KCNH5: variants seen among roughly 807,000 people sequenced by gnomAD.
KCNH5 encodes the protein voltage-gated delayed rectifier potassium channel KCNH5.
A neutral mutation model predicts 96.1 loss-of-function variants in KCNH5; 46 were observed. The ratio of observed to expected loss-of-function variants is 0.48; its 90% CI spans 0.38 to 0.61. KCNH5 has a LOEUF of 0.61. Ranked by LOEUF, KCNH5 falls within the 20% of genes least tolerant of loss-of-function variation. The pLI is 0.00. For missense variants in KCNH5, 907 were observed against 1,225.8 expected, an observed-to-expected ratio of 0.74 and a Z score of 3.88; for synonymous variants, 439 against 449.8, an observed-to-expected ratio of 0.98 and a Z score of 0.30.
intron 7 of KCNH5, among the ~76,000 whole-genome samples, chr14:62,928,637 T>C (rs978712325): frequency 1.3e-5 from 2 of 152,064 alleles, no homozygotes; most frequent in African/African-American, 4.8e-5. Flanking sequence ...AGGTCACCAG[T>C]GACCCTAAGA....
intron 10 of KCNH5, among the ~76,000 whole-genome samples, chr14:62,744,575 T>C (rs1396538316): frequency 6.6e-6 from 1 of 152,222 alleles, no homozygotes; most frequent in Non-Finnish European, 1.5e-5. Flanking sequence ...GCACCTATTA[T>C]GATTTGGGAT....
chr14:62,852,264 CT>C (rs1389646833), intron 7 of KCNH5, among the ~76,000 whole-genome samples: 1 of 152,152 alleles, frequency 6.6e-6, no homozygotes, highest in African/African-American at 2.4e-5. Context: ...TATTGTGCTA[CT>C]GAACCTGGAT....
At chr14:62,792,557 C>T (rs1424150616) in intron 9 of KCNH5, among the ~76,000 whole-genome samples, 1 of 151,560 alleles carries the variant, frequency 6.6e-6, no homozygotes, top group Non-Finnish European at 1.5e-5. Context: ...AAAAGAAATC[C>T]ATGCAAAAGA....
At position 62,819,228 on chromosome 14, in the gene KCNH5, A is replaced by T. The variant is rs191331142; in HGVS notation, c.1570-16647T>A. Among the ~76,000 whole-genome samples the T allele has an allele frequency of 9.4e-3, 1,435 of 152,204 alleles. 9 individuals carry two copies. Among genetic ancestry groups the T allele is most frequent in the Non-Finnish European group, 0.014 (934 of 68,004 alleles). ...GTGATCCGCCCACCTCAGCCTCCCA[A>T]AGTGCTGGGATTACAGGCATGAGCC... On this transcript the variant is annotated intron_variant, in intron 8 of 10. Transcript: ENST00000322893.
chr14:62,950,955 T>C (rs1434145927), intron 6 of KCNH5, among the ~76,000 whole-genome samples: 1 of 152,224 alleles, frequency 6.6e-6, no homozygotes. Context: ...ACTTTCCCTC[T>C]ACTCTAAAAG....
In KCNH5 at chr14:62,853,458, T is replaced by TATATATATATATC. The variant is rs1555360131; in HGVS notation, c.1370-3607_1370-3606insGATATATATATAT. Among the ~76,000 whole-genome samples the TATATATATATATC allele has an allele frequency of 2.0e-4, 9 of 43,984 alleles. No homozygotes were observed. In the Admixed American group the frequency reaches 2.0e-3, roughly 10 times the overall value. The allele number at this position is 43,984 out of a possible 152,430, so 28.9% of individuals were successfully genotyped here. A position where few individuals can be genotyped will look rare whatever the true frequency, so the allele number is the denominator to read the frequency against. Reference sequence around the variant, plus strand: ...ATTTCCCAAACAAAAAGAATAATCATATATATATATATATATATATATCAT... The same window carrying TATATATATATATC: ...ATTTCCCAAACAAAAAGAATAATCATATATATATATATCATATATATATATATATATATATCAT... On this transcript the variant is annotated intron_variant, in intron 7 of 10. Coordinates refer to ENST00000322893, the MANE Select transcript of KCNH5 (RefSeq NM_139318.5).
At chr14:62,892,743 G>A (rs1447909416) in intron 7 of KCNH5, among the ~76,000 whole-genome samples, 6 of 152,114 alleles carry the variant, frequency 3.9e-5, no homozygotes, top group East Asian at 1.9e-4. Flanking sequence ...AAAATTATGC[G>A]AAATCTACTC....
intron 8 of KCNH5, among the ~76,000 whole-genome samples, chr14:62,810,432 A>C (rs1886849959): frequency 6.6e-6 from 1 of 152,054 alleles, no homozygotes; most frequent in African/African-American, 2.4e-5. Flanking sequence ...GCTGGGTAAA[A>C]TGAGGCTGAG....
At chr14:62,815,522 C>A (rs1886960435) in intron 8 of KCNH5, among the ~76,000 whole-genome samples, 1 of 151,940 alleles carries the variant, frequency 6.6e-6, no homozygotes, top group African/African-American at 2.4e-5. Flanking sequence ...AAATGGATAA[C>A]TGTATGAAGT....
chr14:62,804,472 A>T (rs1455418514), intron 8 of KCNH5, among the ~76,000 whole-genome samples: 1 of 152,160 alleles, frequency 6.6e-6, no homozygotes, highest in African/African-American at 2.4e-5. Context: ...AGGATAAGAC[A>T]CTGTGTTTGC....
chr14:62,908,698 T>C (rs1399328102), intron 7 of KCNH5, among the ~76,000 whole-genome samples: 2 of 151,316 alleles, frequency 1.3e-5, no homozygotes, highest in African/African-American at 4.9e-5. Context: ...GTGACTTCGC[T>C]GTGAAAGAAT....
chr14:62,798,724 T>C (rs1435114575), intron 9 of KCNH5, among the ~76,000 whole-genome samples: 2 of 152,218 alleles, frequency 1.3e-5, no homozygotes, highest in Non-Finnish European at 2.9e-5. Context: ...AAATTTTTTA[T>C]CTTTCCATTA....
chr14:62,800,934 T>C (rs890900944), intron 9 of KCNH5, among the ~76,000 whole-genome samples: 1 of 150,680 alleles, frequency 6.6e-6, no homozygotes. Context: ...ATTTTCTTCT[T>C]GAAAAAAAAA....
At chr14:63,007,690 T>C (rs1033926894) in intron 2 of KCNH5, among the ~76,000 whole-genome samples, 1 of 152,108 alleles carries the variant, frequency 6.6e-6, no homozygotes, top group African/African-American at 2.4e-5. Context: ...AAAGTGAGGA[T>C]TGCATATGAT....
intron 10 of KCNH5, among the ~76,000 whole-genome samples, chr14:62,743,966 T>C (rs1885325338): frequency 6.6e-6 from 1 of 152,124 alleles, no homozygotes; most frequent in African/African-American, 2.4e-5. Flanking sequence ...ATTCAAAGAT[T>C]TACCTCTATT....
intron 3 of KCNH5, among the ~76,000 whole-genome samples, chr14:63,005,712 G>T (rs1891112165): frequency 1.3e-5 from 2 of 152,094 alleles, no homozygotes; most frequent in Admixed American, 1.3e-4. Flanking sequence ...TGTCATGTTG[G>T]TTTTTTTCCC....
chr14:63,005,293 G>T (rs1891103436), intron 3 of KCNH5, among the ~76,000 whole-genome samples: 1 of 152,160 alleles, frequency 6.6e-6, no homozygotes, highest in Non-Finnish European at 1.5e-5. Context: ...CTACTTTGAG[G>T]CAATGTCTCA....
In KCNH5 at chr14:62,712,527, T is replaced by A; in HGVS notation, c.2020-4072A>T. 3 of 653,738 alleles carry A rather than the reference T, an allele frequency of 4.6e-6. No homozygotes were observed. The South Asian group carries it at 5.4e-5, about 12-fold the overall frequency. 40.5% of individuals were successfully genotyped at this position (653,738 alleles called of 1,614,324 possible). On this transcript the variant is annotated intron_variant, in intron 10 of 10. Coordinates refer to ENST00000322893, the MANE Select transcript of KCNH5 (RefSeq NM_139318.5). ...AGGTCACACAACTGTGTGTCCAGGA[T>A]GCAAATCCAAGGGGTCAGATTCCAA...
chr14:63,029,528 G>A (rs1012827902), intron 1 of KCNH5, among the ~76,000 whole-genome samples: 3 of 151,928 alleles, frequency 2.0e-5, no homozygotes, highest in African/African-American at 7.3e-5. Context: ...TGTGGCGGGG[G>A]GGATGTATGT....
Sources: allele counts gnomAD v4.1 joint callset (sites outside exome capture counted in the v4.1 genomes callset), GRCh38; gene constraint gnomAD v4.1.1; transcripts MANE v1.5; gene names NCBI Gene and HGNC (gene_info 2026-07-23, HGNC 2026-07-21).